Variants in EFCAB13 observed in about 807,000 individuals in gnomAD.
EFCAB13 encodes EF-hand calcium-binding domain-containing protein 13.
A neutral mutation model predicts 110.2 loss-of-function variants in EFCAB13; 91 were observed. That is an observed-to-expected ratio of 0.83 (90% CI 0.70 to 0.98). The LOEUF (loss-of-function observed/expected upper bound fraction) is 0.98. EFCAB13 is among the 50% of genes least tolerant of loss of function. The pLI is 0.00. For synonymous variants in EFCAB13, 323 were observed against 369.9 expected, an observed-to-expected ratio of 0.87 and a Z score of 1.45; for missense variants, 968 against 1,119.4, an observed-to-expected ratio of 0.86 and a Z score of 1.93.
At chr17:47,424,343 G>A (rs945594094) in intron 23 of EFCAB13, among the ~76,000 whole-genome samples, 1 of 152,212 alleles carries the variant, frequency 6.6e-6, no homozygotes, top group African/African-American at 2.4e-5. Context: ...GGGAGAACGA[G>A]GTACTAAGAG....
chr17:47,365,343 G>C (rs1176723385), intron 10 of EFCAB13, among the ~76,000 whole-genome samples: 2 of 152,144 alleles, frequency 1.3e-5, no homozygotes, highest in African/African-American at 4.8e-5. Context: ...GAATAAGCTG[G>C]CTGTAGTTTG....
At chr17:47,381,255 C>T (rs2065646109) in intron 14 of EFCAB13, among the ~76,000 whole-genome samples, 1 of 151,888 alleles carries the variant, frequency 6.6e-6, no homozygotes, top group Non-Finnish European at 1.5e-5. Flanking sequence ...GAATATCAGC[C>T]CTTTGTCAGG....
chr17:47,429,718 G>A, intron 23 of EFCAB13, 100 bp from the exon 24 acceptor site: 1 of 1,368,678 alleles, frequency 7.3e-7, no homozygotes, highest in Non-Finnish European at 9.7e-7. Flanking sequence ...TCTAGAATCA[G>A]ATCTTCATAT....
chr17:47,430,019 G>T, intron 24 of EFCAB13, 58 bp downstream of exon 24: 1 of 1,492,228 alleles, frequency 6.7e-7, no homozygotes, highest in South Asian at 1.4e-5. Flanking sequence ...AGGGGTGGAA[G>T]GTCTATGGGT....
chr17:47,439,171 G>GCT (rs1183658231), intron 24 of EFCAB13, among the ~76,000 whole-genome samples: 23 of 73,900 alleles, frequency 3.1e-4, no homozygotes, highest in African/African-American at 1.2e-3. Context: ...TCTTTGTTTT[G>GCT]TTTTTTTTTT....
chr17:47,394,214 C>T (rs924212916), intron 16 of EFCAB13, 115 bp downstream of exon 16: 14 of 583,664 alleles, frequency 2.4e-5, no homozygotes, highest in African/African-American at 7.7e-5. Flanking sequence ...GCAGGTCATC[C>T]GACAAATAAA....
intron 14 of EFCAB13, among the ~76,000 whole-genome samples, chr17:47,384,144 A>G (rs116967924): frequency 0.066 from 8,901 of 134,678 alleles, 323 homozygotes; most frequent in East Asian, 0.23. Flanking sequence ...TGCAACCCCC[A>G]GTTTTTTTTT....
chr17:47,346,433 AC>A (rs60932759), intron 8 of EFCAB13, among the ~76,000 whole-genome samples: 6,283 of 94,402 alleles, frequency 0.067, 384 homozygotes, highest in Middle Eastern at 0.14. Flanking sequence ...AACGTACTTT[AC>A]CCCCCCCCCC....
At chr17:47,439,253 T>C (rs528989562) in intron 24 of EFCAB13, among the ~76,000 whole-genome samples, 24 of 140,200 alleles carry the variant, frequency 1.7e-4, no homozygotes, top group Non-Finnish European at 2.6e-4. Context: ...CTCGGCTCAC[T>C]GCAACCTCCG....
chr17:47,377,954 G>C (rs764424124), intron 13 of EFCAB13, 51 bp downstream of exon 13: 20 of 1,488,880 alleles, frequency 1.3e-5, no homozygotes, highest in Non-Finnish European at 1.7e-5. Context: ...TATTTTTATC[G>C]GATAGTATTA....
chr17:47,336,024 C>T (rs757541307), intron 5 of EFCAB13, among the ~76,000 whole-genome samples: 4 of 152,110 alleles, frequency 2.6e-5, no homozygotes, highest in African/African-American at 7.2e-5. Context: ...AACAGTTATC[C>T]ATATGTCTGT....
At chr17:47,423,652 G>C in intron 23 of EFCAB13, 1 of 396,968 alleles carries the variant, frequency 2.5e-6, no homozygotes, top group East Asian at 4.0e-5. Flanking sequence ...TTCCAGGTAG[G>C]TGCGGGCGGC....
chr17:47,423,940 G>C (rs1359607144), intron 23 of EFCAB13, among the ~76,000 whole-genome samples: 1 of 151,828 alleles, frequency 6.6e-6, no homozygotes, highest in Non-Finnish European at 1.5e-5. Context: ...CCGTCTACGC[G>C]CTCAGCCCCT....
At chr17:47,390,325 T>TACACAGACACACAC (rs2065699604) in intron 14 of EFCAB13, among the ~76,000 whole-genome samples, 1 of 150,102 alleles carries the variant, frequency 6.7e-6, no homozygotes, top group South Asian at 2.1e-4. Flanking sequence ...GTTTTTTTCA[T>TACACAGACACACAC]ACACACACAC....
intron 5 of EFCAB13, among the ~76,000 whole-genome samples, chr17:47,337,725 A>G (rs372302964): frequency 6.6e-6 from 1 of 152,196 alleles, no homozygotes; most frequent in East Asian, 1.9e-4. Flanking sequence ...GAGGTTCAAT[A>G]TTTTAAAGAA....
intron 23 of EFCAB13, among the ~76,000 whole-genome samples, chr17:47,421,342 C>G (rs1323179288): frequency 2.0e-5 from 3 of 151,940 alleles, no homozygotes. Flanking sequence ...TACCCCCAAC[C>G]CTGTGCTCTC....
At chr17:47,389,083 AGT>A (rs2065691786) in intron 14 of EFCAB13, among the ~76,000 whole-genome samples, 23 of 151,704 alleles carry the variant, frequency 1.5e-4, no homozygotes, top group Admixed American at 1.3e-3. Flanking sequence ...TCTAGGCTGG[AGT>A]GCAATGGCTG....
At chr17:47,328,723 G>A (rs1488824691) in intron 4 of EFCAB13, 3 of 200,924 alleles carry the variant, frequency 1.5e-5, no homozygotes, top group Non-Finnish European at 3.0e-5. Context: ...AAAAAATAAT[G>A]TAGAGGACAT....
intron 23 of EFCAB13, 57 bp downstream of exon 23, chr17:47,414,976 C>A: frequency 7.7e-7 from 1 of 1,304,316 alleles, no homozygotes; most frequent in Non-Finnish European, 1.1e-6. Flanking sequence ...TTAAAAATGA[C>A]ATTTAAAAAT....
Sources: gnomAD v4.1 joint callset for allele counts (sites outside exome capture counted in the v4.1 genomes callset) on GRCh38, gnomAD v4.1.1 for gene constraint, MANE v1.5 for transcripts, NCBI Gene and HGNC (gene_info 2026-07-23, HGNC 2026-07-21) for gene names.